NCKAP5: variants seen among roughly 807,000 people sequenced by gnomAD.
The protein encoded by NCKAP5 is nck-associated protein 5.
Under a neutral mutation model 167.0 loss-of-function variants are expected in NCKAP5, and 92 were observed. The observed-to-expected ratio is 0.55, with a 90% CI of 0.47 to 0.66. The LOEUF is 0.66. Ranked by LOEUF, NCKAP5 falls within the 30% of genes least tolerant of loss-of-function variation. The pLI is 0.00. For synonymous variants in NCKAP5, 891 were observed against 877.4 expected, an observed-to-expected ratio of 1.02 and a Z score of -0.27; for missense variants, 2,378 against 2,315.0, an observed-to-expected ratio of 1.03 and a Z score of -0.56.
intron 11 of NCKAP5, among the ~76,000 whole-genome samples, chr2:132,857,836 A>T (rs2105523448): frequency 6.6e-6 from 1 of 152,250 alleles, no homozygotes; most frequent in East Asian, 1.9e-4. Context: ...CTCCCTTTGT[A>T]AGTTTACCAG....
At chr2:132,686,638 T>TC in intron 19 of NCKAP5, among the ~76,000 whole-genome samples, 1 of 152,264 alleles carries the variant, frequency 6.6e-6, no homozygotes, top group Admixed American at 6.5e-5. Flanking sequence ...GTCATCCTTT[T>TC]CCCCCCTATC....
intron 2 of NCKAP5, among the ~76,000 whole-genome samples, chr2:133,546,768 T>C (rs190506183): frequency 6.6e-6 from 1 of 152,314 alleles, no homozygotes; most frequent in East Asian, 1.9e-4. Context: ...AGCCCTCCCA[T>C]TAATTCTACA....
In NCKAP5 at chr2:133,348,382, G is replaced by A. The variant is rs183549764; in HGVS notation, c.70-45272C>T. 3.5e-3 allele frequency among the ~76,000 whole-genome samples: 540 copies of A among 152,260 alleles called. 5 individuals carry two copies. Among genetic ancestry groups the A allele is most frequent in the Non-Finnish European group, 4.6e-3 (312 of 68,036 alleles). On this transcript the variant is annotated intron_variant, in intron 3 of 19. Transcript: ENST00000409261. ...AGTTTTATTTGGGGAGTAGAGTTTAGAAATCATTCCAATATTATACATCAC... is the reference window on the plus strand; with the variant it reads ...AGTTTTATTTGGGGAGTAGAGTTTAAAAATCATTCCAATATTATACATCAC...
chr2:133,302,985 G>A (rs566715867), intron 4 of NCKAP5, 52 bp downstream of exon 4: 2 of 1,238,444 alleles, frequency 1.6e-6, no homozygotes, highest in African/African-American at 1.5e-5. Flanking sequence ...GATCAGCAAA[G>A]CTATAAAGGA....
chr2:133,005,569 G>T (rs1180309375), intron 6 of NCKAP5, among the ~76,000 whole-genome samples: 1 of 152,174 alleles, frequency 6.6e-6, no homozygotes, highest in Non-Finnish European at 1.5e-5. Flanking sequence ...CATTAGGTCT[G>T]CTTTTTATTT....
intron 19 of NCKAP5, among the ~76,000 whole-genome samples, chr2:132,704,737 C>T (rs1446257271): frequency 1.3e-5 from 2 of 152,160 alleles, no homozygotes; most frequent in African/African-American, 2.4e-5. Context: ...CCTTTAAACA[C>T]CCTTAACTCC....
At chr2:133,216,404 C>T (rs1351405489) in intron 4 of NCKAP5, among the ~76,000 whole-genome samples, 1 of 151,822 alleles carries the variant, frequency 6.6e-6, no homozygotes, top group African/African-American at 2.4e-5. Context: ...CAAAGTTGAA[C>T]CAAAATAAAT....
At chr2:133,090,570 C>A (rs1393173633) in intron 6 of NCKAP5, among the ~76,000 whole-genome samples, 2 of 152,100 alleles carry the variant, frequency 1.3e-5, no homozygotes. Context: ...CTGCAGACAC[C>A]TTGATTACAA....
intron 19 of NCKAP5, among the ~76,000 whole-genome samples, chr2:132,683,350 C>T (rs892604120): frequency 2.6e-5 from 4 of 152,106 alleles, no homozygotes; most frequent in East Asian, 3.9e-4. Flanking sequence ...CATCAAGAAA[C>T]CTCTTGGATT....
chr2:133,673,686 C>T, the NCKAP5 span, among the ~76,000 whole-genome samples: 1 of 152,188 alleles, frequency 6.6e-6, no homozygotes, highest in African/African-American at 2.4e-5. Context: ...GGCCTACCAC[C>T]GTTTATCTTG....
chr2:133,605,587 A>G, the NCKAP5 span, among the ~76,000 whole-genome samples: 1 of 152,172 alleles, frequency 6.6e-6, no homozygotes, highest in East Asian at 1.9e-4. Context: ...TTAGTCATAC[A>G]GTTGTGTTTA....
At chr2:133,209,652 A>G (rs919547107) in intron 5 of NCKAP5, among the ~76,000 whole-genome samples, 1 of 152,026 alleles carries the variant, frequency 6.6e-6, no homozygotes, top group Non-Finnish European at 1.5e-5. Flanking sequence ...GGTACCCTGT[A>G]CTGGATCCCA....
rs762252798 is a variant in NCKAP5, at chr2:132,868,943, G to A, written c.680C>T (p.Thr227Ile). The A allele has an allele frequency of 5.2e-6, 8 of 1,547,136 alleles. No individual in the cohort carries two copies. The highest frequency in any genetic ancestry group is 2.0e-5 in the Admixed American group (1 of 50,042). Residue 227 changes from threonine to isoleucine, a missense_variant, in exon 10 of 20, where the codon ACT becomes ATT. Transcript: ENST00000409261. The stretch of plus-strand genomic sequence containing the variant: ...AGTCAGAAAGTGACCTACCTTTTGA[G>A]TAAGCAGAGCTTGAACAACTTGGTT... ...VANQVVQALL[T>I]QKDLREECVK...
intron 19 of NCKAP5, among the ~76,000 whole-genome samples, chr2:132,711,217 T>A (rs1688812857): frequency 6.6e-6 from 1 of 152,214 alleles, no homozygotes; most frequent in Admixed American, 6.5e-5. Context: ...GCTTTCCCTT[T>A]CTCTCCAAAA....
At chr2:133,275,388 TCACACATA>T (rs144494068) in intron 4 of NCKAP5, among the ~76,000 whole-genome samples, 15,310 of 151,842 alleles carry the variant, frequency 0.1, 862 homozygotes, top group South Asian at 0.16. Context: ...CGGAAAAGGC[TCACACATA>T]CACACATACA....
chr2:133,048,941 C>A (rs1266740538), intron 6 of NCKAP5, among the ~76,000 whole-genome samples: 2 of 152,158 alleles, frequency 1.3e-5, no homozygotes, highest in African/African-American at 2.4e-5. Context: ...TGAACCCTTG[C>A]TTTCTGGTCT....
chr2:133,556,771 T>TTTTTTATGACAATCAAGGAG (rs1407621482), intron 2 of NCKAP5: 2 of 152,250 alleles, frequency 1.3e-5, no homozygotes, highest in African/African-American at 2.4e-5. Flanking sequence ...GGAGTGACCT[T>TTTTTTATGACAATCAAGGAG]TGCCTTGATT....
chr2:133,273,669 A>G (rs2089607775), intron 4 of NCKAP5, among the ~76,000 whole-genome samples: 1 of 152,022 alleles, frequency 6.6e-6, no homozygotes, highest in Non-Finnish European at 1.5e-5. Flanking sequence ...TTCTTAAGAA[A>G]ACTTAATCCA....
intron 12 of NCKAP5, among the ~76,000 whole-genome samples, chr2:132,791,735 C>T (rs545252533): frequency 5.9e-5 from 9 of 152,204 alleles, no homozygotes; most frequent in Non-Finnish European, 1.0e-4. Flanking sequence ...AAATGCAATT[C>T]CAACTGACGG....
Sources: allele counts gnomAD v4.1 joint callset (sites outside exome capture counted in the v4.1 genomes callset), GRCh38; gene constraint gnomAD v4.1.1; transcripts MANE v1.5; gene names NCBI Gene and HGNC (gene_info 2026-07-23, HGNC 2026-07-21).